The following ANKRD33B variants were observed in gnomAD, a reference collection of about 807,000 sequenced individuals.
ANKRD33B encodes ankyrin repeat domain 33B.
ANKRD33B carries 6 observed loss-of-function variants against 21.5 expected under a neutral mutation model. That is an observed-to-expected ratio of 0.28 (90% CI 0.15 to 0.55). The LOEUF (loss-of-function observed/expected upper bound fraction) is 0.55. Among genes scored for constraint, ANKRD33B ranks in the 20% least tolerant of loss-of-function variants. The probability of loss-of-function intolerance (pLI) is 0.94; values close to 1 mark genes in which losing one functional copy is unlikely to be tolerated. For synonymous variants in ANKRD33B, 347 were observed against 342.4 expected (o/e 1.01, Z -0.15); for missense variants, 698 against 747.2 (o/e 0.93, Z 0.77).
intron 1 of ANKRD33B, among the ~76,000 whole-genome samples, chr5:10,577,016 AG>A (rs1240871751): frequency 6.6e-6 from 1 of 152,096 alleles, no homozygotes; most frequent in Non-Finnish European, 1.5e-5. Context: ...TTTTTCAAGA[AG>A]GGGGAGGAAG....
intron 1 of ANKRD33B, among the ~76,000 whole-genome samples, chr5:10,610,461 A>T (rs923917745): frequency 2.6e-5 from 4 of 151,868 alleles, no homozygotes; most frequent in African/African-American, 9.7e-5. Flanking sequence ...TGGTCGAAAA[A>T]CTGACACAGG....
chr5:10,614,518 A>T (rs1736241411), intron 1 of ANKRD33B, among the ~76,000 whole-genome samples: 1 of 152,098 alleles, frequency 6.6e-6, no homozygotes, highest in Non-Finnish European at 1.5e-5. Context: ...TGGTCTTCCC[A>T]CCTTGGCCTC....
At chr5:10,592,482 G>GTGGA (rs1453333931) in intron 1 of ANKRD33B, among the ~76,000 whole-genome samples, 1 of 148,752 alleles carries the variant, frequency 6.7e-6, no homozygotes, top group Non-Finnish European at 1.5e-5. Context: ...AAAAAATTAG[G>GTGGA]TGGACGTGGT....
At chr5:10,643,819 CAAAAAA>C (rs374365829) in intron 3 of ANKRD33B, among the ~76,000 whole-genome samples, 12 of 89,578 alleles carry the variant, frequency 1.3e-4, no homozygotes, top group Middle Eastern at 6.1e-3. Flanking sequence ...GACTCTGTCT[CAAAAAA>C]AAAAAAAAAA....
intron 1 of ANKRD33B, among the ~76,000 whole-genome samples, chr5:10,591,475 C>G (rs914040292): frequency 6.6e-6 from 1 of 151,958 alleles, no homozygotes; most frequent in African/African-American, 2.4e-5. Flanking sequence ...CCGCACCGAG[C>G]CTTTTTAGTG....
chr5:10,608,482 A>G (rs193218756), intron 1 of ANKRD33B, among the ~76,000 whole-genome samples: 4 of 152,116 alleles, frequency 2.6e-5, no homozygotes, highest in Non-Finnish European at 5.9e-5. Flanking sequence ...AGATTGTTAG[A>G]CCAATGGGAG....
At chr5:10,601,178 G>A (rs1735920909) in intron 1 of ANKRD33B, among the ~76,000 whole-genome samples, 1 of 150,122 alleles carries the variant, frequency 6.7e-6, no homozygotes, top group Non-Finnish European at 1.5e-5. Context: ...AGAAGAAAAT[G>A]TGGCAAGGCT....
chr5:10,618,192 C>T, intron 1 of ANKRD33B, 141 bp from the exon 2 acceptor site: 1 of 1,155,956 alleles, frequency 8.7e-7, no homozygotes, highest in Non-Finnish European at 1.2e-6. Flanking sequence ...TCTAAACCAT[C>T]TCTGAGAATT....
chr5:10,624,765 T>TTGCGCCTCC (rs1183676035), intron 2 of ANKRD33B: 2 of 456,794 alleles, frequency 4.4e-6, no homozygotes, highest in African/African-American at 4.0e-5. Flanking sequence ...CCTTAGACAC[T>TTGCGCCTCC]GGCTCCCAAT....
rs926540397 is a variant in ANKRD33B, at chr5:10,564,153, A to G, written c.-315A>G. Among the ~76,000 whole-genome samples the G allele has an allele frequency of 6.6e-6, 1 of 151,830 alleles. No homozygotes were observed. The highest frequency in any genetic ancestry group is 2.4e-5 in the African/African-American group (1 of 41,336). ...GGTGCCCAGTCCCCGCGCTCGAGAG[A>G]GCGCCTGCCTGGCTCTGAACTCTGG... On this transcript the variant is annotated 5_prime_UTR_variant, in exon 1 of 4. Coordinates refer to ENST00000296657, the MANE Select transcript of ANKRD33B (RefSeq NM_001164440.2).
At chr5:10,610,583 A>G (rs994507401) in intron 1 of ANKRD33B, among the ~76,000 whole-genome samples, 24 of 152,354 alleles carry the variant, frequency 1.6e-4, no homozygotes, top group African/African-American at 5.5e-4. Flanking sequence ...AGTGTCTATC[A>G]GTTTAGGGGC....
intron 3 of ANKRD33B, among the ~76,000 whole-genome samples, chr5:10,646,051 G>A (rs1389625095): frequency 6.6e-6 from 1 of 152,254 alleles, no homozygotes; most frequent in Non-Finnish European, 1.5e-5. Context: ...TATGTCAACA[G>A]TGCTGAGGTT....
chr5:10,624,786 C>G, intron 2 of ANKRD33B: 1 of 456,802 alleles, frequency 2.2e-6, no homozygotes, highest in Non-Finnish European at 4.4e-6. Context: ...CTTGCGCCTC[C>G]GGCGTCAGCA....
intron 1 of ANKRD33B, among the ~76,000 whole-genome samples, chr5:10,582,095 T>C (rs1410887292): frequency 6.6e-6 from 1 of 152,182 alleles, no homozygotes; most frequent in Non-Finnish European, 1.5e-5. Flanking sequence ...CTTGCCAGTC[T>C]TCCCCCAGCA....
In ANKRD33B at chr5:10,656,627, C is replaced by T; in HGVS notation, c.*6514C>T. 6.6e-6 allele frequency: 1 copy of T among 152,498 alleles called. No homozygotes were observed. The highest frequency in any genetic ancestry group is 1.5e-5 in the Non-Finnish European group (1 of 68,092). The allele number at this position is 152,498 out of a possible 1,614,324, so 9.4% of individuals were successfully genotyped here. ...TGTGAGCACTCCGCCCGCTGTGGCA[C>T]AGAACACGGCTGGGGTCATCACAGC... is the stretch of plus-strand genomic sequence containing the variant. On this transcript the variant is annotated 3_prime_UTR_variant, in exon 4 of 4. Coordinates refer to ENST00000296657, the MANE Select transcript of ANKRD33B (RefSeq NM_001164440.2).
At chr5:10,624,131 T>G (rs1736487998) in intron 2 of ANKRD33B, among the ~76,000 whole-genome samples, 1 of 121,286 alleles carries the variant, frequency 8.2e-6, no homozygotes, top group Admixed American at 7.8e-5. Flanking sequence ...CTTTCTTTTC[T>G]TTTTTTTTTT....
At chr5:10,564,859 G>T in intron 1 of ANKRD33B, 26 bp downstream of exon 1, 2 of 1,475,152 alleles carry the variant, frequency 1.4e-6, no homozygotes, top group South Asian at 2.7e-5. Context: ...CGCAGGATTT[G>T]AGCCCCCTCA....
At chr5:10,601,401 C>T (rs893342706) in intron 1 of ANKRD33B, among the ~76,000 whole-genome samples, 27 of 152,330 alleles carry the variant, frequency 1.8e-4, no homozygotes, top group Non-Finnish European at 1.0e-4. Flanking sequence ...CACGGTCCCT[C>T]CACCATCCCT....
intron 1 of ANKRD33B, among the ~76,000 whole-genome samples, chr5:10,585,545 T>C (rs1418954456): frequency 6.6e-6 from 1 of 152,236 alleles, no homozygotes; most frequent in African/African-American, 2.4e-5. Flanking sequence ...AGAAACGCAC[T>C]GAGAAACACC....
Sources: gnomAD v4.1 joint callset for allele counts (sites outside exome capture counted in the v4.1 genomes callset) on GRCh38, gnomAD v4.1.1 for gene constraint, MANE v1.5 for transcripts, NCBI Gene and HGNC (gene_info 2026-07-23, HGNC 2026-07-21) for gene names.